RAB8B: variants seen among roughly 807,000 people sequenced by gnomAD.
RAB8B encodes RAB8B, member RAS oncogene family.
RAB8B carries 11 observed loss-of-function variants against 32.0 expected under a neutral mutation model. The ratio of observed to expected loss-of-function variants is 0.34; its 90% CI spans 0.22 to 0.57. RAB8B has a LOEUF of 0.57. Ranked by LOEUF, RAB8B falls within the 20% of genes least tolerant of loss-of-function variation. RAB8B has a pLI of 0.86. For missense variants in RAB8B, 190 were observed against 258.5 expected, an observed-to-expected ratio of 0.73 and a Z score of 1.82; for synonymous variants, 103 against 89.6, an observed-to-expected ratio of 1.15 and a Z score of -0.85.
intron 1 of RAB8B, among the ~76,000 whole-genome samples, chr15:63,240,386 A>G (rs1457180540): frequency 1.8e-4 from 28 of 152,172 alleles, no homozygotes; most frequent in Non-Finnish European, 2.9e-5. Flanking sequence ...GTTCACACAC[A>G]TCGTCTAATT....
chr15:63,255,842 A>G (rs954135655), intron 4 of RAB8B, among the ~76,000 whole-genome samples: 12 of 152,246 alleles, frequency 7.9e-5, no homozygotes, highest in Non-Finnish European at 1.8e-4. Context: ...CACATTTTAC[A>G]CATGAATAAC....
rs181365123 is a variant in RAB8B, at chr15:63,265,919, T to C, written c.*2300T>C. The C allele has an allele frequency of 6.5e-6, 1 of 152,722 alleles. No homozygotes were observed. The highest frequency in any genetic ancestry group is 1.5e-5 in the Non-Finnish European group (1 of 67,988). 9.5% of individuals were successfully genotyped at this position (152,722 alleles called of 1,614,324 possible). A position where few individuals can be genotyped will look rare whatever the true frequency, so the allele number is the denominator to read the frequency against. On this transcript the variant is annotated 3_prime_UTR_variant, in exon 8 of 8. Transcript: ENST00000321437. This position sits in a 1 kb window ranked among gnomAD's most constrained non-coding sequence, Gnocchi z 4.9. ...AATTGGGAGTATATGCTCTGTTATATAGAAATAAATTGTCCTTGCTATTTT... is the reference window on the plus strand; with the variant it reads ...AATTGGGAGTATATGCTCTGTTATACAGAAATAAATTGTCCTTGCTATTTT...
At chr15:63,236,559 G>A (rs1343861005) in intron 1 of RAB8B, among the ~76,000 whole-genome samples, 1 of 151,968 alleles carries the variant, frequency 6.6e-6, no homozygotes, top group Admixed American at 6.6e-5. Flanking sequence ...ATTATATTAT[G>A]TGCTGCCAAA....
At chr15:63,240,068 C>T (rs1567017736) in intron 1 of RAB8B, among the ~76,000 whole-genome samples, 1 of 151,926 alleles carries the variant, frequency 6.6e-6, no homozygotes, top group Non-Finnish European at 1.5e-5. Flanking sequence ...AAGCAAAAGG[C>T]CTCATTTGGA....
chr15:63,240,261 G>C (rs891670179), intron 1 of RAB8B, among the ~76,000 whole-genome samples: 10 of 152,206 alleles, frequency 6.6e-5, no homozygotes, highest in African/African-American at 1.9e-4. Context: ...TGTTGGCACA[G>C]TATCCTGGAA....
chr15:63,190,585 T>C (rs74022451), intron 1 of RAB8B, among the ~76,000 whole-genome samples: 6,818 of 152,224 alleles, frequency 0.045, 246 homozygotes, highest in East Asian at 0.19. Flanking sequence ...TTCCTTTGGA[T>C]CAAGTGCAGG....
At chr15:63,193,480 T>C (rs1174880996) in intron 1 of RAB8B, among the ~76,000 whole-genome samples, 1 of 152,198 alleles carries the variant, frequency 6.6e-6, no homozygotes, top group African/African-American at 2.4e-5. Flanking sequence ...AAATTGAATT[T>C]TTTTTATTGG....
At chr15:63,196,865 C>T (rs2037604545) in intron 1 of RAB8B, among the ~76,000 whole-genome samples, 1 of 152,118 alleles carries the variant, frequency 6.6e-6, no homozygotes, top group African/African-American at 2.4e-5. Flanking sequence ...TTTCAGTCTC[C>T]ATAATAAGCT....
chr15:63,211,031 A>G (rs1388110718), intron 1 of RAB8B, among the ~76,000 whole-genome samples: 1 of 152,184 alleles, frequency 6.6e-6, no homozygotes, highest in Non-Finnish European at 1.5e-5. Context: ...TACACAAGGG[A>G]CCCATCAGAG....
intron 3 of RAB8B, among the ~76,000 whole-genome samples, chr15:63,255,204 A>T (rs1031279075): frequency 6.6e-6 from 1 of 152,290 alleles, no homozygotes; most frequent in African/African-American, 2.4e-5. Context: ...CTCAGCTCCA[A>T]TTGGGGCTGA....
intron 1 of RAB8B, among the ~76,000 whole-genome samples, chr15:63,190,271 A>C (rs1451197003): frequency 6.6e-6 from 1 of 152,084 alleles, no homozygotes; most frequent in South Asian, 2.1e-4. Flanking sequence ...ATTCAGGGGA[A>C]TGAGCGGTCA....
At chr15:63,195,092 T>G (rs2037589882) in intron 1 of RAB8B, among the ~76,000 whole-genome samples, 1 of 152,216 alleles carries the variant, frequency 6.6e-6, no homozygotes, top group Non-Finnish European at 1.5e-5. Flanking sequence ...TTTTCATAGT[T>G]GTTTTCCTTG....
intron 1 of RAB8B, among the ~76,000 whole-genome samples, chr15:63,233,571 G>A (rs1048938011): frequency 2.0e-5 from 3 of 152,120 alleles, no homozygotes; most frequent in Admixed American, 6.5e-5. Context: ...AAAAGCATAA[G>A]CAAAATTTGA....
At chr15:63,209,161 G>T (rs1412326715) in intron 1 of RAB8B, among the ~76,000 whole-genome samples, 1 of 151,936 alleles carries the variant, frequency 6.6e-6, no homozygotes, top group Admixed American at 6.6e-5. Context: ...AAAGTGCTGG[G>T]ACCCACGATG....
Position 63,266,584 on chromosome 15 carries a change from C to A in RAB8B, c.*2965C>A, listed in dbSNP as rs180937607. ...ACCTGGTAGAAAAACAGTGAGCCAGCCTTTAAGCATCTAACAAAATTTAGA... is the reference window on the plus strand; with the variant it reads ...ACCTGGTAGAAAAACAGTGAGCCAGACTTTAAGCATCTAACAAAATTTAGA... On this transcript the variant is annotated 3_prime_UTR_variant, in exon 8 of 8. Coordinates refer to ENST00000321437, the MANE Select transcript of RAB8B (RefSeq NM_016530.3). The A allele has an allele frequency of 4.8e-4, 73 of 152,636 alleles. No individual in the cohort carries two copies. The highest frequency in any genetic ancestry group is 1.7e-3 in the African/African-American group (71 of 41,542). 9.5% of individuals were successfully genotyped at this position (152,636 alleles called of 1,614,324 possible). A position where few individuals can be genotyped will look rare whatever the true frequency, so the allele number is the denominator to read the frequency against.
chr15:63,203,962 C>T (rs79291543), intron 1 of RAB8B, among the ~76,000 whole-genome samples: 2,714 of 152,100 alleles, frequency 0.018, 41 homozygotes, highest in Middle Eastern at 0.041. Flanking sequence ...TTTTAACCTG[C>T]GTGGTCCCTT....
chr15:63,190,777 T>C (rs1467148559), intron 1 of RAB8B, among the ~76,000 whole-genome samples: 1 of 152,172 alleles, frequency 6.6e-6, no homozygotes, highest in Non-Finnish European at 1.5e-5. Flanking sequence ...AATCCTTCGG[T>C]TTGAATGTTT....
Position 63,259,674 on chromosome 15 carries a change from C to T in RAB8B, c.462C>T (p.Ser154=). 2.5e-6 allele frequency: 4 copies of T among 1,613,914 alleles called. 1 individual carries two copies. In the South Asian group the frequency reaches 4.4e-5, roughly 18 times the overall value. ...AATTCTTGGAGACAAGCGCAAAATC[C>T]AGTGCAAATGTAGAAGAGGTAAGAA... is the stretch of plus-strand genomic sequence containing the variant. The part of the protein sequence containing the change: ...GIKFLETSAK[S]SANVEEAFFT... Residue 154 remains serine, a synonymous_variant, in exon 6 of 8, where the codon TCC becomes TCT. Transcript: ENST00000321437. This position sits in a 1 kb window ranked among gnomAD's most constrained non-coding sequence, Gnocchi z 4.4.
intron 5 of RAB8B, among the ~76,000 whole-genome samples, chr15:63,257,201 A>G (rs1449643218): frequency 6.6e-6 from 1 of 152,026 alleles, no homozygotes; most frequent in Admixed American, 6.5e-5. Flanking sequence ...TTCACTTTTT[A>G]AGTCTTGGAA....
Sources: allele counts gnomAD v4.1 joint callset (sites outside exome capture counted in the v4.1 genomes callset), GRCh38; gene constraint gnomAD v4.1.1; non-coding constraint Gnocchi (gnomAD v3.1); transcripts MANE v1.5; gene names NCBI Gene and HGNC (gene_info 2026-07-23, HGNC 2026-07-21).